Variants in TENM3 observed in about 807,000 individuals in gnomAD.
TENM3 encodes teneurin transmembrane protein 3.
Under a neutral mutation model 255.1 loss-of-function variants are expected in TENM3, and 63 were observed. The observed-to-expected ratio is 0.25, with a 90% confidence interval of 0.20 to 0.30. The LOEUF (loss-of-function observed/expected upper bound fraction) is 0.30, where lower values mean the gene tolerates loss of function less well. Among genes scored for constraint, TENM3 ranks in the 10% least tolerant of loss-of-function variants. The pLI is 1.00. For missense variants in TENM3, 2,929 were observed against 3,461.1 expected (o/e 0.85, Z 3.86); for synonymous variants, 1,306 against 1,322.3 (o/e 0.99, Z 0.27).
the TENM3 span, among the ~76,000 whole-genome samples, chr4:181,809,908 C>A: frequency 6.6e-6 from 1 of 152,092 alleles, no homozygotes; most frequent in African/African-American, 2.4e-5. Flanking sequence ...CCGGAGCCCC[C>A]AGAAGCCACT....
the TENM3 span, among the ~76,000 whole-genome samples, chr4:182,048,749 C>A: frequency 3.4e-4 from 43 of 128,320 alleles, no homozygotes; most frequent in African/African-American, 1.4e-3. Context: ...ACTTTTCCAG[C>A]AGAGCAGCAA....
At chr4:181,920,557 C>T in the TENM3 span, among the ~76,000 whole-genome samples, 1 of 152,144 alleles carries the variant, frequency 6.6e-6, no homozygotes, top group African/African-American at 2.4e-5. Flanking sequence ...TGTTCATATC[C>T]TTCGCCCACT....
chr4:181,604,891 C>T, the TENM3 span, among the ~76,000 whole-genome samples: 100 of 152,304 alleles, frequency 6.6e-4, no homozygotes, highest in African/African-American at 2.2e-3. Flanking sequence ...TGCTGCACCT[C>T]ACTCTCCTCA....
chr4:182,371,437 G>C (rs569081599), intron 3 of TENM3, among the ~76,000 whole-genome samples: 2 of 152,226 alleles, frequency 1.3e-5, no homozygotes, highest in South Asian at 4.1e-4. Flanking sequence ...GGGTAAATCT[G>C]TTCTGTGACC....
chr4:181,785,327 T>C, the TENM3 span, among the ~76,000 whole-genome samples: 1 of 152,168 alleles, frequency 6.6e-6, no homozygotes, highest in Non-Finnish European at 1.5e-5. Flanking sequence ...TGTTCAGGCC[T>C]GTGGTCGGAG....
chr4:181,820,199 T>C, the TENM3 span: 1 of 152,140 alleles, frequency 6.6e-6, no homozygotes, highest in South Asian at 2.1e-4. Context: ...GGCTCTGATA[T>C]CCATACCCAT....
chr4:182,352,697 CT>C (rs1176664708), intron 3 of TENM3, among the ~76,000 whole-genome samples: 2 of 152,002 alleles, frequency 1.3e-5, no homozygotes, highest in Non-Finnish European at 2.9e-5. Context: ...TTCACTTGTC[CT>C]TTGAAATGGT....
At chr4:182,159,631 A>G (rs563738978) in intron 1 of TENM3, among the ~76,000 whole-genome samples, 1 of 152,260 alleles carries the variant, frequency 6.6e-6, no homozygotes, top group African/African-American at 2.4e-5. Flanking sequence ...TTAATGAATA[A>G]TTCTTAGCAG....
At chr4:182,463,074 A>T (rs1200058043) in intron 3 of TENM3, among the ~76,000 whole-genome samples, 2 of 152,008 alleles carry the variant, frequency 1.3e-5, no homozygotes, top group Non-Finnish European at 2.9e-5. Flanking sequence ...CATAATTTTG[A>T]TCTGCGTTTG....
chr4:182,045,976 A>G, the TENM3 span, among the ~76,000 whole-genome samples: 6 of 152,216 alleles, frequency 3.9e-5, no homozygotes, highest in African/African-American at 1.4e-4. Context: ...TGAGCCCAGG[A>G]GGTCGAGGTC....
chr4:181,683,739 C>A, the TENM3 span, among the ~76,000 whole-genome samples: 3 of 152,150 alleles, frequency 2.0e-5, no homozygotes, highest in Non-Finnish European at 4.4e-5. Context: ...AGGAATGGAG[C>A]AGAGTCCTCA....
chr4:182,515,754 A>G (rs1274118713), intron 3 of TENM3, among the ~76,000 whole-genome samples: 1 of 152,198 alleles, frequency 6.6e-6, no homozygotes, highest in Non-Finnish European at 1.5e-5. Context: ...GAGAAATGGA[A>G]TAAATTACTA....
At chr4:182,071,943 CA>C in the TENM3 span, among the ~76,000 whole-genome samples, 1 of 151,864 alleles carries the variant, frequency 6.6e-6, no homozygotes, top group South Asian at 2.1e-4. Flanking sequence ...AAACCAAAAC[CA>C]AAACAAAACA....
At chr4:181,648,790 T>C in the TENM3 span, among the ~76,000 whole-genome samples, 5 of 152,166 alleles carry the variant, frequency 3.3e-5, no homozygotes, top group African/African-American at 1.2e-4. Flanking sequence ...CCTCTGGGTG[T>C]GTTACCAGCA....
the TENM3 span, among the ~76,000 whole-genome samples, chr4:181,515,372 A>T: frequency 4.6e-5 from 7 of 152,082 alleles, no homozygotes; most frequent in Admixed American, 2.6e-4. Context: ...TCCTTTGCGC[A>T]TACTTGAAGC....
chr4:181,968,716 T>C, the TENM3 span, among the ~76,000 whole-genome samples: 1 of 152,232 alleles, frequency 6.6e-6, no homozygotes, highest in African/African-American at 2.4e-5. Flanking sequence ...GTCTCAGTTA[T>C]ACAAGATGAT....
At chr4:182,211,018 G>A (rs1754999965) in intron 1 of TENM3, among the ~76,000 whole-genome samples, 1 of 152,118 alleles carries the variant, frequency 6.6e-6, no homozygotes, top group Non-Finnish European at 1.5e-5. Flanking sequence ...ACAAACCGAG[G>A]CCAACAGGGG....
chr4:182,312,421 T>C (rs1220108450), intron 1 of TENM3, among the ~76,000 whole-genome samples: 1 of 152,186 alleles, frequency 6.6e-6, no homozygotes, highest in Non-Finnish European at 1.5e-5. Context: ...TGTGTGTGAT[T>C]GTGCCTGGCA....
the TENM3 span, among the ~76,000 whole-genome samples, chr4:181,885,004 C>T: frequency 7.9e-5 from 12 of 152,208 alleles, no homozygotes; most frequent in East Asian, 3.9e-4. Context: ...TAAAAAATTA[C>T]ACTTTCTAGA....
Sources: gnomAD v4.1 joint callset for allele counts (sites outside exome capture counted in the v4.1 genomes callset) on GRCh38, gnomAD v4.1.1 for gene constraint, MANE v1.5 for transcripts, NCBI Gene and HGNC (gene_info 2026-07-23, HGNC 2026-07-21) for gene names.